RABL6: variants seen among roughly 807,000 people sequenced by gnomAD.
RABL6 encodes rab-like protein 6.
RABL6 carries 28 observed loss-of-function variants against 72.9 expected under a neutral mutation model. That is an observed-to-expected ratio of 0.38 (90% confidence interval 0.28 to 0.53). RABL6 has a LOEUF of 0.53. Ranked by LOEUF, RABL6 falls within the 20% of genes least tolerant of loss-of-function variation. RABL6 has a pLI of 0.80. For missense variants in RABL6, 1,029 were observed against 1,008.4 expected (o/e 1.02, Z -0.28); for synonymous variants, 477 against 421.2 (o/e 1.13, Z -1.62).
chr9:136,839,561 G>A, intron 12 of RABL6, 75 bp downstream of exon 12: 3 of 1,558,742 alleles, frequency 1.9e-6, no homozygotes, highest in Non-Finnish European at 2.6e-6. Flanking sequence ...CTGGGTGGGT[G>A]CAGTGGGAGG....
In RABL6 at chr9:136,839,705, C is replaced by T. The variant is rs528440068; in HGVS notation, c.1770C>T (p.Pro590=). Residue 590 remains proline (P), a synonymous_variant, in exon 13 of 15, where the codon CCC becomes CCT. Transcript: ENST00000311502. The part of the protein sequence containing the change: ...SDTQRRADDF[P]VRDDPSDVTD... ...TCTCCCTGCTCCAGGATGACTTTCC[C>T]GTGCGAGATGACCCCTCCGATGTGA... 61 of 1,585,680 alleles carry T rather than the reference C, an allele frequency of 3.8e-5. No individual in the cohort carries two copies. The highest frequency in any genetic ancestry group is 1.1e-4 in the African/African-American group (8 of 74,658).
intron 3 of RABL6, among the ~76,000 whole-genome samples, 172 bp downstream of exon 3, chr9:136,825,998 G>A (rs533037338): frequency 3.3e-5 from 5 of 152,260 alleles, no homozygotes; most frequent in East Asian, 3.9e-4. Flanking sequence ...GCAGCGTGGC[G>A]CAGCCCCTCC....
rs1440415366 is a variant in RABL6, at chr9:136,808,015, C to A, written c.-182C>A. ...CGCGGGGGCCGGAGCGGAGCAGCCGCGGCTGAGGTTCCCGAGTCGCCGCTC... is the reference window on the plus strand; with the variant it reads ...CGCGGGGGCCGGAGCGGAGCAGCCGAGGCTGAGGTTCCCGAGTCGCCGCTC... On this transcript the variant is annotated 5_prime_UTR_variant, in exon 1 of 15. Coordinates refer to ENST00000311502, the MANE Select transcript of RABL6 (RefSeq NM_024718.5). 9.7e-7 allele frequency: 1 copy of A among 1,032,942 alleles called. No homozygotes were observed. Among genetic ancestry groups the A allele is most frequent in the South Asian group, 4.6e-5 (1 of 21,756 alleles). The allele number at this position is 1,032,942 out of a possible 1,614,324, so 64.0% of individuals were successfully genotyped here. A position where few individuals can be genotyped will look rare whatever the true frequency, so the allele number is the denominator to read the frequency against.
At chr9:136,830,502 C>G (rs2131190077) in intron 5 of RABL6, among the ~76,000 whole-genome samples, 1 of 152,392 alleles carries the variant, frequency 6.6e-6, no homozygotes, top group Admixed American at 6.5e-5. Context: ...CGGCCCCACC[C>G]CAGGGCACGA....
Position 136,828,303 on chromosome 9 carries a change from G to A in RABL6, c.314-191G>A, listed in dbSNP as rs987868243. The A allele has an allele frequency of 1.3e-5, 8 of 601,320 alleles. No individual in the cohort carries two copies. The Admixed American group carries it at 2.2e-4, about 17-fold the overall frequency. 37.2% of individuals were successfully genotyped at this position (601,320 alleles called of 1,614,324 possible). On this transcript the variant is annotated intron_variant, in intron 3 of 14. Transcript: ENST00000311502. ...GGCCCGGCCCAGCCCTGCCTCCAGA[G>A]CCTACAGAGGGGCCTCGCCCAGGTC...
At chr9:136,812,593 A>G (rs1261256425) in intron 1 of RABL6, among the ~76,000 whole-genome samples, 2 of 152,126 alleles carry the variant, frequency 1.3e-5, no homozygotes, top group African/African-American at 2.4e-5. Flanking sequence ...GTTTATATGA[A>G]TATCCAGTCA....
At chr9:136,832,440 C>T (rs1848496961) in intron 7 of RABL6, 70 bp downstream of exon 7, 5 of 1,235,288 alleles carry the variant, frequency 4.0e-6, no homozygotes, top group Admixed American at 1.7e-5. Context: ...TCCTGTGTAG[C>T]AACGGGTCTC....
chr9:136,821,570 C>T (rs888881931), intron 1 of RABL6: 28 of 985,234 alleles, frequency 2.8e-5, no homozygotes, highest in Non-Finnish European at 3.4e-5. Context: ...GGGGGGACGG[C>T]GGCCGCCCGA....
intron 8 of RABL6, chr9:136,836,883 TC>T (rs1297145469): frequency 3.1e-6 from 1 of 322,862 alleles, no homozygotes; most frequent in East Asian, 9.1e-5. Context: ...TGCTGCTCTT[TC>T]TTTTTCTGAG....
At chr9:136,835,696 C>A (rs761538042) in intron 7 of RABL6, 46 bp from the exon 8 acceptor site, 4 of 1,498,398 alleles carry the variant, frequency 2.7e-6, no homozygotes, top group Admixed American at 2.0e-5. Context: ...GGGGCACTCG[C>A]AGCAGGAAGG....
chr9:136,825,039 C>T (rs533631111), intron 2 of RABL6, among the ~76,000 whole-genome samples: 1 of 152,320 alleles, frequency 6.6e-6, no homozygotes, highest in African/African-American at 2.4e-5. Context: ...GCGGGAGGCT[C>T]CATCCATCAG....
intron 7 of RABL6, chr9:136,833,695 T>TGCAGCA (rs1183405254): frequency 1.9e-6 from 3 of 1,549,368 alleles, no homozygotes; most frequent in Non-Finnish European, 2.6e-6. Flanking sequence ...CAGCTGCAGC[T>TGCAGCA]GCAGCAGCCT....
chr9:136,822,435 A>G (rs1848258088), intron 1 of RABL6, among the ~76,000 whole-genome samples: 1 of 152,078 alleles, frequency 6.6e-6, no homozygotes, highest in Non-Finnish European at 1.5e-5. Flanking sequence ...GGCCTGTGTG[A>G]GAAGCTCTCG....
chr9:136,828,687 C>A, intron 4 of RABL6, 141 bp downstream of exon 4: 1 of 818,468 alleles, frequency 1.2e-6, no homozygotes, highest in Admixed American at 2.6e-5. Context: ...CCCAACTGCT[C>A]TGAAAACCCC....
At position 136,818,813 on chromosome 9, in the gene RABL6, G is replaced by T. The variant is rs2131168378; in HGVS notation, c.131-4712G>T. 2.0e-5 allele frequency among the ~76,000 whole-genome samples: 3 copies of T among 152,120 alleles called. No homozygotes were observed. In the South Asian group the frequency reaches 6.2e-4, roughly 32 times the overall value. ...TCAGTGGTGATCATGATTTATATAG[G>T]GTATATAAAAGAAGAAACTACCAGA... is the stretch of plus-strand genomic sequence containing the variant. On this transcript the variant is annotated intron_variant, in intron 1 of 14. Coordinates refer to ENST00000311502, the MANE Select transcript of RABL6 (RefSeq NM_024718.5).
intron 4 of RABL6, 113 bp downstream of exon 4, chr9:136,828,659 A>C: frequency 8.7e-7 from 1 of 1,155,938 alleles, no homozygotes; most frequent in Non-Finnish European, 1.2e-6. Context: ...TGCTGTGGCC[A>C]CGGGGGCCGC....
At chr9:136,815,555 G>T (rs2131161367) in intron 1 of RABL6, 2 of 216,692 alleles carry the variant, frequency 9.2e-6, no homozygotes, top group Middle Eastern at 1.1e-3. Context: ...TGCTGAGGAT[G>T]GGAAATCTTT....
chr9:136,836,904 C>T lies in RABL6; in HGVS notation c.810-442C>T, dbSNP rs1433642805. 18 of 335,154 alleles carry T rather than the reference C, an allele frequency of 5.4e-5. 1 individual carries two copies. Among genetic ancestry groups the T allele is most frequent in the South Asian group, 2.1e-4 (9 of 42,200 alleles). 20.8% of individuals were successfully genotyped at this position (335,154 alleles called of 1,614,324 possible). A position where few individuals can be genotyped will look rare whatever the true frequency, so the allele number is the denominator to read the frequency against. On this transcript the variant is annotated intron_variant, in intron 8 of 14. Coordinates refer to ENST00000311502, the MANE Select transcript of RABL6 (RefSeq NM_024718.5). ...TCTTTCTTTTTCTGAGATGGAGTCT[C>T]GCTCTGTCGCCCAGGCTGGAGCGCA... is the stretch of plus-strand genomic sequence containing the variant.
At chr9:136,817,240 T>C (rs1373225419) in intron 1 of RABL6, among the ~76,000 whole-genome samples, 2 of 152,058 alleles carry the variant, frequency 1.3e-5, no homozygotes, top group Non-Finnish European at 2.9e-5. Flanking sequence ...TGCCAGCCCA[T>C]GTCCAGTACA....
Sources: allele counts gnomAD v4.1 joint callset (sites outside exome capture counted in the v4.1 genomes callset), GRCh38; gene constraint gnomAD v4.1.1; transcripts MANE v1.5; gene names NCBI Gene and HGNC (gene_info 2026-07-23, HGNC 2026-07-21).